CSMD1: variants seen among roughly 807,000 people sequenced by gnomAD.
CSMD1 encodes CUB and sushi domain-containing protein 1.
A neutral mutation model predicts 417.5 loss-of-function variants in CSMD1; 213 were observed. That is an observed-to-expected ratio of 0.51 (90% confidence interval 0.46 to 0.57). CSMD1 has a LOEUF of 0.57. CSMD1 is among the 20% of genes least tolerant of loss of function. CSMD1 has a pLI of 0.00. For missense variants in CSMD1, 6,923 were observed against 4,529.7 expected, an observed-to-expected ratio of 1.53 and a Z score of -15.17; for synonymous variants, 2,862 against 1,736.8, an observed-to-expected ratio of 1.65 and a Z score of -16.11.
At chr8:4,067,116 T>C (rs746075482) in intron 3 of CSMD1, among the ~76,000 whole-genome samples, 1 of 152,202 alleles carries the variant, frequency 6.6e-6, no homozygotes, top group Non-Finnish European at 1.5e-5. Flanking sequence ...CTCAAATGTG[T>C]TTCCACAGAG....
At chr8:3,535,518 A>T (rs1004427547) in intron 10 of CSMD1, among the ~76,000 whole-genome samples, 2 of 152,152 alleles carry the variant, frequency 1.3e-5, no homozygotes, top group African/African-American at 4.8e-5. Context: ...ATAGAGTGTG[A>T]CCTGTAAGAC....
At chr8:3,981,500 TAAA>T (rs200296436) in intron 5 of CSMD1, among the ~76,000 whole-genome samples, 1,501 of 114,946 alleles carry the variant, frequency 0.013, 27 homozygotes, top group African/African-American at 0.045. Flanking sequence ...TAGAAAAAAG[TAAA>T]AAAAAAAAAA....
intron 8 of CSMD1, among the ~76,000 whole-genome samples, chr8:3,586,987 A>G (rs1323034354): frequency 2.0e-5 from 3 of 152,114 alleles, no homozygotes; most frequent in Non-Finnish European, 4.4e-5. Flanking sequence ...TTTAGTAGAG[A>G]CAGAGTTTCA....
chr8:4,945,897 G>C (rs963187699), intron 1 of CSMD1, among the ~76,000 whole-genome samples: 1 of 152,150 alleles, frequency 6.6e-6, no homozygotes, highest in African/African-American at 2.4e-5. Context: ...CTGAATAATA[G>C]CATTCACTCG....
At chr8:2,953,169 T>C (rs565666534) in intron 65 of CSMD1, among the ~76,000 whole-genome samples, 1 of 152,266 alleles carries the variant, frequency 6.6e-6, no homozygotes, top group South Asian at 2.1e-4. Flanking sequence ...TTGAAGAACA[T>C]GTTGCCTGGA....
intron 49 of CSMD1, 62 bp downstream of exon 49, chr8:3,087,035 G>T: frequency 1.5e-6 from 2 of 1,370,684 alleles, no homozygotes; most frequent in Non-Finnish European, 2.1e-6. Context: ...TATTTTCAGA[G>T]AGTGATTAAA....
intron 7 of CSMD1, among the ~76,000 whole-genome samples, chr8:3,656,371 G>T (rs1486811657): frequency 6.6e-6 from 1 of 151,722 alleles, no homozygotes; most frequent in Non-Finnish European, 1.5e-5. Flanking sequence ...TTATTTGATA[G>T]ATGACACCTG....
At chr8:4,859,262 A>G (rs1182406596) in intron 1 of CSMD1, among the ~76,000 whole-genome samples, 1 of 152,070 alleles carries the variant, frequency 6.6e-6, no homozygotes, top group East Asian at 1.9e-4. Context: ...TACAAAAATC[A>G]ATTCAAGATG....
At chr8:3,826,490 A>G (rs2129085258) in intron 5 of CSMD1, among the ~76,000 whole-genome samples, 1 of 152,112 alleles carries the variant, frequency 6.6e-6, no homozygotes, top group Non-Finnish European at 1.5e-5. Flanking sequence ...AGGCAGGGGG[A>G]CCATGAAAGC....
intron 2 of CSMD1, among the ~76,000 whole-genome samples, chr8:4,458,324 A>G (rs1799610144): frequency 6.6e-6 from 1 of 152,176 alleles, no homozygotes; most frequent in African/African-American, 2.4e-5. Context: ...CGCACAAGGG[A>G]TCGATTAGCT....
At chr8:3,382,820 T>G (rs1176562470) in intron 18 of CSMD1, among the ~76,000 whole-genome samples, 1 of 151,976 alleles carries the variant, frequency 6.6e-6, no homozygotes, top group African/African-American at 2.4e-5. Flanking sequence ...TTTAATAGAA[T>G]AACTTTTAGT....
intron 2 of CSMD1, among the ~76,000 whole-genome samples, chr8:4,599,929 G>A (rs1014942402): frequency 7.9e-5 from 12 of 152,130 alleles, no homozygotes; most frequent in African/African-American, 2.7e-4. Flanking sequence ...GCTGAACCCA[G>A]GTATGCATGG....
chr8:4,909,616 A>G (rs1253435982), intron 1 of CSMD1, among the ~76,000 whole-genome samples: 4 of 152,092 alleles, frequency 2.6e-5, no homozygotes, highest in African/African-American at 7.2e-5. Flanking sequence ...TGAGCACTTC[A>G]TGGGGTTCCT....
rs528402873 is a variant in CSMD1, at chr8:4,742,242, G to C, written c.86-104684C>G. 1.7e-4 allele frequency among the ~76,000 whole-genome samples: 25 copies of C among 151,160 alleles called. No homozygotes were observed. The South Asian group carries it at 5.0e-3, about 30-fold the overall frequency. On this transcript the variant is annotated intron_variant, in intron 1 of 69. Transcript: ENST00000635120. ...AGACGGGGTTTCACCTTGTTAGCCA[G>C]GATGGTCTCGATCTCCTGACCTCAT...
chr8:3,982,313 A>C (rs112914408), intron 5 of CSMD1, among the ~76,000 whole-genome samples: 3,392 of 151,916 alleles, frequency 0.022, 136 homozygotes, highest in African/African-American at 0.077. Flanking sequence ...AGCATAAATT[A>C]CACAATCCTT....
intron 3 of CSMD1, among the ~76,000 whole-genome samples, chr8:4,150,496 T>C (rs180675891): frequency 3.9e-5 from 6 of 152,324 alleles, no homozygotes; most frequent in Admixed American, 2.6e-4. Context: ...ACAACAGAGA[T>C]ATCTTCTAGA....
chr8:4,473,343 G>C (rs1800635063), intron 2 of CSMD1, among the ~76,000 whole-genome samples: 2 of 152,186 alleles, frequency 1.3e-5, no homozygotes, highest in East Asian at 1.9e-4. Context: ...GAGACAACCT[G>C]ATGCCATTGG....
intron 8 of CSMD1, among the ~76,000 whole-genome samples, chr8:3,591,823 G>C (rs759692329): frequency 6.6e-6 from 1 of 152,074 alleles, no homozygotes; most frequent in Non-Finnish European, 1.5e-5. Flanking sequence ...ACAGTGGATG[G>C]ATAGATGATA....
intron 9 of CSMD1, among the ~76,000 whole-genome samples, chr8:3,582,810 T>C (rs1381988101): frequency 6.6e-6 from 1 of 152,258 alleles, no homozygotes; most frequent in Non-Finnish European, 1.5e-5. Context: ...TAAATTCACC[T>C]GTTTCTCTTT....
Sources: gnomAD v4.1 joint callset for allele counts (sites outside exome capture counted in the v4.1 genomes callset) on GRCh38, gnomAD v4.1.1 for gene constraint, MANE v1.5 for transcripts, NCBI Gene and HGNC (gene_info 2026-07-23, HGNC 2026-07-21) for gene names.